The following B3GALT1 variants were observed in gnomAD, a reference collection of about 807,000 sequenced individuals.
B3GALT1 encodes UDP-Gal:betaGlcNAc beta 1,3-galactosyltransferase, polypeptide 1.
B3GALT1 carries 10 observed loss-of-function variants against 23.2 expected under a neutral mutation model. That is an observed-to-expected ratio of 0.43 (90% CI 0.27 to 0.73). The LOEUF is 0.73. Ranked by LOEUF, B3GALT1 falls within the 30% of genes least tolerant of loss-of-function variation. The probability of loss-of-function intolerance (pLI) is 0.21; values close to 1 mark genes in which losing one functional copy is unlikely to be tolerated. For synonymous variants in B3GALT1, 156 were observed against 141.5 expected (o/e 1.10, Z -0.73); for missense variants, 299 against 405.4 (o/e 0.74, Z 2.25).
intron 1 of B3GALT1, among the ~76,000 whole-genome samples, chr2:167,372,974 T>C (rs192238321): frequency 9.7e-4 from 148 of 152,152 alleles, no homozygotes; most frequent in African/African-American, 3.3e-3. Flanking sequence ...GAGTCTAAAA[T>C]TTATGTGGAA....
intron 1 of B3GALT1, among the ~76,000 whole-genome samples, chr2:167,306,116 A>G (rs1476666519): frequency 1.3e-5 from 2 of 152,060 alleles, no homozygotes; most frequent in Non-Finnish European, 2.9e-5. Context: ...AGTACAAAAT[A>G]TGGAAAAGGT....
At chr2:167,774,651 C>T (rs1389595924) in intron 3 of B3GALT1, among the ~76,000 whole-genome samples, 1 of 151,666 alleles carries the variant, frequency 6.6e-6, no homozygotes, top group Non-Finnish European at 1.5e-5. Context: ...GCATGTGCCA[C>T]CGCTCCTGGC....
chr2:167,862,914 A>G (rs375801280), intron 4 of B3GALT1: 1 of 152,192 alleles, frequency 6.6e-6, no homozygotes, highest in East Asian at 1.9e-4. Context: ...AAATACAGTA[A>G]GGCCCCTGGG....
At chr2:167,431,538 C>T (rs1698704132) in intron 1 of B3GALT1, among the ~76,000 whole-genome samples, 1 of 152,100 alleles carries the variant, frequency 6.6e-6, no homozygotes, top group Non-Finnish European at 1.5e-5. Flanking sequence ...ATATGTTTTG[C>T]TTTTAGAATA....
chr2:167,632,146 A>G (rs908776905), intron 2 of B3GALT1, among the ~76,000 whole-genome samples: 1 of 152,044 alleles, frequency 6.6e-6, no homozygotes, highest in African/African-American at 2.4e-5. Context: ...ATGGCTGCAT[A>G]GTATTCCGTG....
At chr2:167,716,496 C>T (rs946202465) in intron 3 of B3GALT1, among the ~76,000 whole-genome samples, 2 of 152,166 alleles carry the variant, frequency 1.3e-5, no homozygotes, top group Non-Finnish European at 2.9e-5. Flanking sequence ...CTGTTGCTTT[C>T]CTTTCATTAA....
intron 1 of B3GALT1, among the ~76,000 whole-genome samples, chr2:167,334,397 G>A (rs1454165146): frequency 2.6e-5 from 4 of 152,168 alleles, no homozygotes; most frequent in African/African-American, 9.6e-5. Context: ...AATTCATTAT[G>A]TTAAAGACAG....
intron 3 of B3GALT1, among the ~76,000 whole-genome samples, chr2:167,805,777 G>T (rs1688739625): frequency 6.6e-6 from 1 of 152,144 alleles, no homozygotes; most frequent in South Asian, 2.1e-4. Context: ...CTCCAGCTTT[G>T]TTCTTTTGGC....
At chr2:167,545,059 C>CAG (rs1683608910) in intron 2 of B3GALT1, among the ~76,000 whole-genome samples, 1 of 61,346 alleles carries the variant, frequency 1.6e-5, no homozygotes, top group Non-Finnish European at 2.7e-5. Flanking sequence ...TTTTTTGAGA[C>CAG]AGTCTCGCTC....
chr2:167,355,841 A>C (rs1253417710), intron 1 of B3GALT1, among the ~76,000 whole-genome samples: 1 of 152,218 alleles, frequency 6.6e-6, no homozygotes, highest in Non-Finnish European at 1.5e-5. Flanking sequence ...AATAAAGTGT[A>C]GAAAAATTAA....
intron 3 of B3GALT1, among the ~76,000 whole-genome samples, chr2:167,695,338 G>A (rs6735730): frequency 0.74 from 113,050 of 152,102 alleles, 43,513 homozygotes; most frequent in South Asian, 0.84. Context: ...ATTATTGGTT[G>A]TCTTTAGTCA....
intron 3 of B3GALT1, among the ~76,000 whole-genome samples, chr2:167,817,582 AC>A (rs1337716372): frequency 6.6e-6 from 1 of 152,146 alleles, no homozygotes; most frequent in African/African-American, 2.4e-5. Flanking sequence ...TTTAACAGAA[AC>A]TGGAACCAGC....
intron 3 of B3GALT1, among the ~76,000 whole-genome samples, chr2:167,738,970 CT>C (rs1340906341): frequency 6.6e-6 from 1 of 152,156 alleles, no homozygotes; most frequent in Non-Finnish European, 1.5e-5. Flanking sequence ...ACAGTCATTC[CT>C]TTATGATTGG....
chr2:167,567,234 A>G (rs1461911862), intron 2 of B3GALT1, among the ~76,000 whole-genome samples: 1 of 152,218 alleles, frequency 6.6e-6, no homozygotes, highest in East Asian at 1.9e-4. Context: ...TAAAACTCAA[A>G]AAAATAAGAA....
chr2:167,408,219 T>C (rs1456390520), intron 1 of B3GALT1, among the ~76,000 whole-genome samples: 1 of 152,072 alleles, frequency 6.6e-6, no homozygotes, highest in East Asian at 1.9e-4. Context: ...TGGTTCAAAA[T>C]ACACAAATCA....
rs563791963 is a variant in B3GALT1 at position 167,554,645 on chromosome 2, TATCAC to T, written c.-410+64372_-410+64376del. ...GTAAAGACTATTTTAGCCATTTAGA[TATCAC>T]ATCTCATTTTCATTGCTATTCCATA... On this transcript the variant is annotated intron_variant, in intron 2 of 4. Coordinates refer to ENST00000392690, the MANE Select transcript of B3GALT1 (RefSeq NM_020981.4). Among the ~76,000 whole-genome samples the T allele has an allele frequency of 1.3e-3, 199 of 152,314 alleles. 1 individual carries two copies. Among genetic ancestry groups the T allele is most frequent in the African/African-American group, 4.5e-3 (187 of 41,580 alleles).
intron 3 of B3GALT1, among the ~76,000 whole-genome samples, chr2:167,660,386 A>G (rs551524384): frequency 8.5e-5 from 13 of 152,202 alleles, no homozygotes; most frequent in Admixed American, 7.9e-4. Context: ...ATGTCAGGGA[A>G]TAACTTTAAT....
chr2:167,796,308 T>G (rs1413711986), intron 3 of B3GALT1, among the ~76,000 whole-genome samples: 5 of 152,250 alleles, frequency 3.3e-5, no homozygotes, highest in Admixed American at 1.3e-4. Flanking sequence ...TTGGATCTGA[T>G]TTTTCACTTT....
Position 167,413,440 on chromosome 2 carries a change from A to G in B3GALT1, c.-510-76737A>G, listed in dbSNP as rs1698421507. On this transcript the variant is annotated intron_variant, in intron 1 of 4. Coordinates refer to ENST00000392690, the MANE Select transcript of B3GALT1 (RefSeq NM_020981.4). ...ACTGTATATTTTTTCTGCATGATCT[A>G]TATTTTCAGAAGAGGGTATGATAAA... Among the ~76,000 whole-genome samples, 3 of 152,134 alleles carry G rather than the reference A, an allele frequency of 2.0e-5. No individual in the cohort carries two copies. The South Asian group carries it at 6.2e-4, about 31-fold the overall frequency.
Sources: allele counts gnomAD v4.1 joint callset (sites outside exome capture counted in the v4.1 genomes callset), GRCh38; gene constraint gnomAD v4.1.1; transcripts MANE v1.5; gene names NCBI Gene and HGNC (gene_info 2026-07-23, HGNC 2026-07-21).